Variants in PDZRN3 observed in about 807,000 individuals in gnomAD.
The protein encoded by PDZRN3 is E3 ubiquitin-protein ligase PDZRN3.
In PDZRN3, 38 loss-of-function variants were observed where a neutral mutation model predicts 85.7. That is an observed-to-expected ratio of 0.44 (90% CI 0.34 to 0.58). The LOEUF (loss-of-function observed/expected upper bound fraction) is 0.58. Among genes scored for constraint, PDZRN3 ranks in the 20% least tolerant of loss-of-function variants. PDZRN3 has a pLI of 0.01. For missense variants in PDZRN3, 1,629 were observed against 1,506.4 expected (o/e 1.08, Z -1.35); for synonymous variants, 759 against 638.0 (o/e 1.19, Z -2.86).
rs573841601 is a variant in PDZRN3 at position 73,451,538 on chromosome 3, C to T, written c.919-47143G>A. On this transcript the variant is annotated intron_variant, in intron 3 of 9. Coordinates refer to ENST00000263666, the MANE Select transcript of PDZRN3 (RefSeq NM_015009.3). ...AGAGACCAAAGTCTGTCACTTTGGT[C>T]ATGGTGCAAAGATGTGCCAAACAGG... Among the ~76,000 whole-genome samples the T allele has an allele frequency of 2.0e-5, 3 of 152,254 alleles. No homozygotes were observed. The East Asian group carries it at 5.8e-4, about 29-fold the overall frequency.
chr3:73,484,489 G>A (rs1426890781), intron 3 of PDZRN3, among the ~76,000 whole-genome samples: 1 of 152,160 alleles, frequency 6.6e-6, no homozygotes, highest in African/African-American at 2.4e-5. Flanking sequence ...TGGATGTGAT[G>A]GCAGAAAGGC....
At chr3:73,447,151 C>A (rs1702766706) in intron 3 of PDZRN3, among the ~76,000 whole-genome samples, 1 of 151,034 alleles carries the variant, frequency 6.6e-6, no homozygotes, top group African/African-American at 2.4e-5. Flanking sequence ...TGTATTCACT[C>A]CCATCCCCAA....
chr3:73,612,041 T>C (rs1476316924), intron 1 of PDZRN3, among the ~76,000 whole-genome samples: 1 of 152,202 alleles, frequency 6.6e-6, no homozygotes, highest in African/African-American at 2.4e-5. Context: ...ATCTTTCATT[T>C]ACAGGAAAAT....
rs1277153525 is a variant in PDZRN3, at chr3:73,384,815, G to A, written c.1751C>T (p.Ser584Leu). 2.5e-6 allele frequency: 4 copies of A among 1,613,938 alleles called. No homozygotes were observed. Among genetic ancestry groups the A allele is most frequent in the East Asian group, 2.2e-5 (1 of 44,900 alleles). The change falls in exon 10 of 10, where the codon TCG becomes TTG. Residue 584 changes from serine (S) to leucine (L), a missense_variant. Coordinates refer to ENST00000263666, the MANE Select transcript of PDZRN3 (RefSeq NM_015009.3). ...GTCGTCGCCATTGTTCTCTTGCTCCGAGCTCTCGTCATTACGGGTGCTCTC... is the reference window on the plus strand; with the variant it reads ...GTCGTCGCCATTGTTCTCTTGCTCCAAGCTCTCGTCATTACGGGTGCTCTC... ...TDESTRNDES[S>L]EQENNGDDAT...
At chr3:73,572,461 C>G (rs1279838772) in intron 3 of PDZRN3, among the ~76,000 whole-genome samples, 1 of 152,188 alleles carries the variant, frequency 6.6e-6, no homozygotes, top group Non-Finnish European at 1.5e-5. Context: ...TCCATTGGTT[C>G]CTTGGAGTGT....
chr3:73,591,531 G>A (rs1313631644), intron 3 of PDZRN3, among the ~76,000 whole-genome samples: 2 of 152,114 alleles, frequency 1.3e-5, no homozygotes, highest in Non-Finnish European at 2.9e-5. Context: ...TCAGGTTTAT[G>A]AAACTGTGTC....
rs192449430 is a variant in PDZRN3, at chr3:73,520,910, G to A, written c.918+81444C>T. On this transcript the variant is annotated intron_variant, in intron 3 of 9. Coordinates refer to ENST00000263666, the MANE Select transcript of PDZRN3 (RefSeq NM_015009.3). ...GCAAGGATAACATCACTCAAGGTGC[G>A]TGTAAACACTGGAAAATCAGTGGGC... is the stretch of plus-strand genomic sequence containing the variant. Among the ~76,000 whole-genome samples, 14 of 152,282 alleles carry A rather than the reference G, an allele frequency of 9.2e-5. No homozygotes were observed. In the East Asian group the frequency reaches 1.5e-3, roughly 17 times the overall value.
At chr3:73,393,244 G>A (rs1701564979) in intron 5 of PDZRN3, among the ~76,000 whole-genome samples, 1 of 152,098 alleles carries the variant, frequency 6.6e-6, no homozygotes, top group Non-Finnish European at 1.5e-5. Flanking sequence ...GACAAGAAAT[G>A]TTGATAATTC....
intron 3 of PDZRN3, among the ~76,000 whole-genome samples, chr3:73,516,486 T>A (rs770985119): frequency 9.2e-5 from 14 of 152,246 alleles, no homozygotes; most frequent in Non-Finnish European, 1.9e-4. Flanking sequence ...TATATTCTTA[T>A]CTTGCTTTTC....
intron 3 of PDZRN3, among the ~76,000 whole-genome samples, chr3:73,413,282 T>C (rs894583503): frequency 6.6e-6 from 1 of 152,134 alleles, no homozygotes; most frequent in Non-Finnish European, 1.5e-5. Flanking sequence ...TCCTAAAAAG[T>C]CCAGCTGCCA....
chr3:73,384,958 C>G, intron 9 of PDZRN3, 28 bp from the exon 10 acceptor site: 1 of 1,563,586 alleles, frequency 6.4e-7, no homozygotes, highest in African/African-American at 1.4e-5. Flanking sequence ...CAAAGGGTCA[C>G]AGTGAGGGAG....
At chr3:73,481,524 T>G (rs1238700341) in intron 3 of PDZRN3, among the ~76,000 whole-genome samples, 2 of 152,108 alleles carry the variant, frequency 1.3e-5, no homozygotes, top group African/African-American at 4.8e-5. Flanking sequence ...GAGATGGGGT[T>G]TCTCCATGTT....
intron 1 of PDZRN3, among the ~76,000 whole-genome samples, chr3:73,615,793 C>T (rs1309428879): frequency 2.6e-5 from 4 of 152,178 alleles, no homozygotes; most frequent in East Asian, 3.9e-4. Context: ...ATTTCTGTTA[C>T]AGCAGCCTAA....
intron 2 of PDZRN3, 87 bp from the exon 3 acceptor site, chr3:73,602,548 A>C: frequency 1.4e-6 from 1 of 723,244 alleles, no homozygotes; most frequent in Non-Finnish European, 2.4e-6. Flanking sequence ...ACAGTAATTG[A>C]CTCTTGCTGT....
At chr3:73,534,448 G>C (rs1046975733) in intron 3 of PDZRN3, among the ~76,000 whole-genome samples, 1 of 152,148 alleles carries the variant, frequency 6.6e-6, no homozygotes, top group African/African-American at 2.4e-5. Flanking sequence ...TTTACAGCTA[G>C]TGCATCTCAT....
chr3:73,475,581 G>A (rs1337456251), intron 3 of PDZRN3, among the ~76,000 whole-genome samples: 3 of 152,152 alleles, frequency 2.0e-5, no homozygotes, highest in African/African-American at 7.2e-5. Context: ...CTGAGAGAAA[G>A]GCCAAAAAAT....
intron 3 of PDZRN3, among the ~76,000 whole-genome samples, chr3:73,470,367 C>T (rs1240766575): frequency 6.6e-6 from 1 of 152,110 alleles, no homozygotes; most frequent in African/African-American, 2.4e-5. Flanking sequence ...AAAGGATGGG[C>T]TGCTTGAAGA....
At chr3:73,454,748 A>G (rs959320367) in intron 3 of PDZRN3, among the ~76,000 whole-genome samples, 3 of 152,220 alleles carry the variant, frequency 2.0e-5, no homozygotes, top group Non-Finnish European at 2.9e-5. Context: ...AGGTTCTCAA[A>G]AAAGCTTGAA....
Position 73,388,083 on chromosome 3 carries a change from A to ACCC in PDZRN3, c.1417-15_1417-14insGGG. 5.5e-6 allele frequency: 5 copies of ACCC among 908,110 alleles called. No individual in the cohort carries two copies. Among genetic ancestry groups the ACCC allele is most frequent in the East Asian group, 5.5e-5 (2 of 36,356 alleles). 56.3% of individuals were successfully genotyped at this position (908,110 alleles called of 1,614,324 possible). On this transcript the variant is annotated splice_polypyrimidine_tract_variant and intron_variant, in intron 7 of 9. Transcript: ENST00000263666. ...TATCCCATTAATCTTTTAAAAAAAA[A>ACCC]GGGGGGGTGGGGAGAGTGGGGAGAC...
Sources: gnomAD v4.1 joint callset for allele counts (sites outside exome capture counted in the v4.1 genomes callset) on GRCh38, gnomAD v4.1.1 for gene constraint, MANE v1.5 for transcripts, NCBI Gene and HGNC (gene_info 2026-07-23, HGNC 2026-07-21) for gene names.